The following ADAP2 variants were observed in gnomAD, a reference collection of about 807,000 sequenced individuals.
The protein encoded by ADAP2 is ArfGAP with dual PH domains 2.
Under a neutral mutation model 54.9 loss-of-function variants are expected in ADAP2, and 42 were observed. The observed-to-expected ratio is 0.77, with a 90% CI of 0.60 to 0.99. ADAP2 has a LOEUF of 0.99. ADAP2 is among the 50% of genes least tolerant of loss of function. The pLI is 0.00. For missense variants in ADAP2, 429 were observed against 480.4 expected (o/e 0.89, Z 1.00); for synonymous variants, 177 against 180.1 (o/e 0.98, Z 0.14).
At chr17:30,936,642 C>T (rs1388005302) in intron 5 of ADAP2, among the ~76,000 whole-genome samples, 1 of 151,946 alleles carries the variant, frequency 6.6e-6, no homozygotes, top group Non-Finnish European at 1.5e-5. Context: ...ATTGGCCGGG[C>T]GCGGTGGCTC....
At chr17:30,943,288 C>T (rs1912405750) in intron 5 of ADAP2, among the ~76,000 whole-genome samples, 1 of 151,378 alleles carries the variant, frequency 6.6e-6, no homozygotes, top group Admixed American at 6.6e-5. Context: ...TCGCTTGAAC[C>T]CAGGAGGTGG....
chr17:30,948,545 C>T (rs1184352728), intron 6 of ADAP2, among the ~76,000 whole-genome samples: 3 of 152,012 alleles, frequency 2.0e-5, no homozygotes, highest in Admixed American at 2.0e-4. Context: ...ACACTCTAGC[C>T]TCGGCGACAG....
chr17:30,930,934 C>A (rs541393627), intron 3 of ADAP2, among the ~76,000 whole-genome samples: 1 of 152,180 alleles, frequency 6.6e-6, no homozygotes, highest in Non-Finnish European at 1.5e-5. Context: ...CTCTCAACAA[C>A]CCTGAGGGCT....
In ADAP2 at chr17:30,953,338, G is replaced by A; in HGVS notation, c.792G>A (p.Lys264=). ...ACCTCAAACAAGGCTTCATGGAAAAGACTGGGCCAAAGGTACCTTCTATCA... is the reference window on the plus strand; with the variant it reads ...ACCTCAAACAAGGCTTCATGGAAAAAACTGGGCCAAAGGTACCTTCTATCA... ...RNYLKQGFME[K]TGPKQKEPFK... The change falls in exon 8 of 11, where the codon AAG becomes AAA. Residue 264 remains lysine, a synonymous_variant. Coordinates refer to ENST00000330889, the MANE Select transcript of ADAP2 (RefSeq NM_018404.3). 6.2e-7 allele frequency: 1 copy of A among 1,613,956 alleles called. No homozygotes were observed. The highest frequency in any genetic ancestry group is 1.3e-5 in the African/African-American group (1 of 74,960).
intron 3 of ADAP2, among the ~76,000 whole-genome samples, chr17:30,928,675 G>A (rs984117102): frequency 6.6e-6 from 1 of 152,170 alleles, no homozygotes; most frequent in African/African-American, 2.4e-5. Flanking sequence ...CTGACACCAG[G>A]GCCAGGGTGA....
At position 30,945,045 on chromosome 17, in the gene ADAP2, A is replaced by G. The variant is rs1180136084; in HGVS notation, c.649A>G (p.Ser217Gly). The G allele has an allele frequency of 3.1e-6, 5 of 1,613,738 alleles. No individual in the cohort carries two copies. Among genetic ancestry groups the G allele is most frequent in the Non-Finnish European group, 4.2e-6 (5 of 1,179,954 alleles). ...HTRNLFVYHESGKEIVDWFNA... is the reference protein window; with the variant it reads ...HTRNLFVYHEGGKEIVDWFNA... ...CAGGAACCTGTTTGTGTATCATGAAAGTGGGAAGGTGAGATGCCTGGAGTT... is the reference window on the plus strand; with the variant it reads ...CAGGAACCTGTTTGTGTATCATGAAGGTGGGAAGGTGAGATGCCTGGAGTT... The change falls in exon 6 of 11, where the codon AGT (serine) becomes GGT (glycine). Residue 217 changes from serine (S) to glycine (G), a missense_variant. By Grantham distance (56) the Ser-to-Gly change is moderately conservative. Coordinates refer to ENST00000330889, the MANE Select transcript of ADAP2 (RefSeq NM_018404.3).
chr17:30,924,289 C>T (rs1349472076), intron 2 of ADAP2, among the ~76,000 whole-genome samples: 1 of 151,968 alleles, frequency 6.6e-6, no homozygotes, highest in Non-Finnish European at 1.5e-5. Context: ...GGGAAGATCA[C>T]CTGAGCCTGT....
intron 7 of ADAP2, among the ~76,000 whole-genome samples, chr17:30,949,748 CAAA>C (rs34131343): frequency 8.1e-5 from 5 of 62,000 alleles, no homozygotes; most frequent in Admixed American, 1.8e-4. Flanking sequence ...GACTCCGTCT[CAAA>C]AAAAAAAAAA....
At chr17:30,923,157 A>T in intron 2 of ADAP2, 87 bp downstream of exon 2, 1 of 1,500,414 alleles carries the variant, frequency 6.7e-7, no homozygotes. Context: ...ACAGAGGGGG[A>T]AACTGAGAAC....
At position 30,956,447 on chromosome 17, in the gene ADAP2, C is replaced by A; in HGVS notation, c.1089C>A (p.Pro363=). 8 of 1,614,190 alleles carry A rather than the reference C, an allele frequency of 5.0e-6. No individual in the cohort carries two copies. The highest frequency in any genetic ancestry group is 6.8e-6 in the Non-Finnish European group (8 of 1,180,022). The change falls in exon 10 of 11, where the codon CCC becomes CCA. Residue 363 remains proline (P), a synonymous_variant. Transcript: ENST00000330889. The part of the protein sequence containing the change: ...LESLRGVLSS[P]LTPLNRLTAS... ...GTTTGCGGGGTGTCCTGTCCAGCCC[C>A]TTGACGCCCCTCAACCGGCTTAGTA... is the stretch of plus-strand genomic sequence containing the variant.
chr17:30,950,628 T>G (rs1015140147), intron 7 of ADAP2, among the ~76,000 whole-genome samples: 1 of 152,204 alleles, frequency 6.6e-6, no homozygotes, highest in African/African-American at 2.4e-5. Context: ...TAGAGTTTCC[T>G]TGAAAGCCTA....
intron 7 of ADAP2, among the ~76,000 whole-genome samples, chr17:30,952,839 T>C (rs967463438): frequency 6.6e-6 from 1 of 152,184 alleles, no homozygotes; most frequent in Non-Finnish European, 1.5e-5. Flanking sequence ...CTCTTTGTGC[T>C]ACCAGTGATG....
chr17:30,927,976 A>G (rs769826447), intron 3 of ADAP2, among the ~76,000 whole-genome samples: 6 of 151,806 alleles, frequency 4.0e-5, no homozygotes, highest in Admixed American at 6.6e-5. Flanking sequence ...CTAGGATCAC[A>G]TGTGTCACTG....
chr17:30,952,292 G>A (rs1402932526), intron 7 of ADAP2, among the ~76,000 whole-genome samples: 2 of 152,186 alleles, frequency 1.3e-5, no homozygotes, highest in Non-Finnish European at 2.9e-5. Context: ...AGCTGATGGA[G>A]GCCAGAACTG....
At chr17:30,938,643 A>C (rs1912052522) in intron 5 of ADAP2, among the ~76,000 whole-genome samples, 1 of 152,190 alleles carries the variant, frequency 6.6e-6, no homozygotes, top group African/African-American at 2.4e-5. Flanking sequence ...CAACAAAGTA[A>C]GAGAAGGATA....
chr17:30,923,647 C>T (rs1213237370), intron 2 of ADAP2, among the ~76,000 whole-genome samples: 2 of 146,844 alleles, frequency 1.4e-5, no homozygotes, highest in Non-Finnish European at 3.0e-5. Flanking sequence ...GTTTCCACAT[C>T]TGTATTCAAG....
intron 5 of ADAP2, among the ~76,000 whole-genome samples, chr17:30,938,100 C>T (rs1912019020): frequency 1.3e-5 from 2 of 152,204 alleles, no homozygotes; most frequent in Non-Finnish European, 2.9e-5. Context: ...TGCTGAGTAA[C>T]AAACCATCCT....
intron 5 of ADAP2, among the ~76,000 whole-genome samples, chr17:30,935,930 A>G (rs1376245675): frequency 1.3e-5 from 2 of 152,168 alleles, no homozygotes; most frequent in Non-Finnish European, 2.9e-5. Flanking sequence ...GATACAATTC[A>G]CATACCATAT....
At chr17:30,931,793 C>T in intron 3 of ADAP2, 96 bp from the exon 4 acceptor site, 1 of 832,406 alleles carries the variant, frequency 1.2e-6, no homozygotes, top group South Asian at 1.6e-5. Context: ...CACACCACTG[C>T]ACTCCAGCCT....
Sources: gnomAD v4.1 joint callset for allele counts (sites outside exome capture counted in the v4.1 genomes callset) on GRCh38, gnomAD v4.1.1 for gene constraint, MANE v1.5 for transcripts, NCBI Gene and HGNC (gene_info 2026-07-23, HGNC 2026-07-21) for gene names.